NRG1: variants seen among roughly 807,000 people sequenced by gnomAD.
NRG1 encodes the protein neuregulin 1.
NRG1 carries 18 observed loss-of-function variants against 63.8 expected under a neutral mutation model. The ratio of observed to expected loss-of-function variants is 0.28; its 90% CI spans 0.19 to 0.42. The LOEUF is 0.42. Ranked by LOEUF, NRG1 falls within the 10% of genes least tolerant of loss-of-function variation. The pLI, the probability that NRG1 is intolerant of heterozygous loss-of-function variation, is 1.00. For missense variants in NRG1, 762 were observed against 814.7 expected (o/e 0.94, Z 0.79); for synonymous variants, 302 against 301.3 (o/e 1.00, Z -0.02).
chr8:32,072,586 A>G (rs1825913121), intron 1 of NRG1, among the ~76,000 whole-genome samples: 1 of 152,204 alleles, frequency 6.6e-6, no homozygotes, highest in Non-Finnish European at 1.5e-5. Flanking sequence ...CATTAAATTC[A>G]TAGATAAAAA....
chr8:32,052,456 T>A (rs975392343), intron 1 of NRG1, among the ~76,000 whole-genome samples: 12 of 151,480 alleles, frequency 7.9e-5, no homozygotes, highest in Non-Finnish European at 1.3e-4. Flanking sequence ...TTTATTTGTA[T>A]TTTTTTTAAA....
intron 1 of NRG1, among the ~76,000 whole-genome samples, chr8:32,013,458 G>C (rs1233786119): frequency 6.6e-6 from 1 of 151,988 alleles, no homozygotes; most frequent in Non-Finnish European, 1.5e-5. Flanking sequence ...GGCATGGATG[G>C]GACTGAAAAG....
intron 1 of NRG1, among the ~76,000 whole-genome samples, chr8:32,196,305 G>C (rs1364744203): frequency 2.6e-5 from 4 of 152,148 alleles, no homozygotes; most frequent in Non-Finnish European, 4.4e-5. Flanking sequence ...AATTACGGAA[G>C]AAGGGTAGAG....
At chr8:32,194,954 A>C (rs1166719413) in intron 1 of NRG1, among the ~76,000 whole-genome samples, 1 of 152,212 alleles carries the variant, frequency 6.6e-6, no homozygotes, top group Non-Finnish European at 1.5e-5. Flanking sequence ...ATCTCAGTAA[A>C]TATAGTTTAT....
chr8:32,668,525 A>G (rs1007303678), intron 5 of NRG1, among the ~76,000 whole-genome samples: 5 of 152,152 alleles, frequency 3.3e-5, no homozygotes, highest in Non-Finnish European at 5.9e-5. Context: ...CTTCTGAGTT[A>G]CTAGTTTCAC....
At chr8:32,537,644 T>C (rs867953066) in intron 1 of NRG1, among the ~76,000 whole-genome samples, 3 of 152,116 alleles carry the variant, frequency 2.0e-5, no homozygotes, top group African/African-American at 7.2e-5. Context: ...AGACCTGCCA[T>C]TTTCTTAGTG....
chr8:31,796,324 C>G (rs191962924), intron 1 of NRG1, among the ~76,000 whole-genome samples: 1 of 149,642 alleles, frequency 6.7e-6, no homozygotes, highest in African/African-American at 2.5e-5. Flanking sequence ...ATCACCCTTA[C>G]TCTTCTCTAA....
chr8:31,846,028 A>T (rs1358651910), intron 1 of NRG1, among the ~76,000 whole-genome samples: 5 of 152,160 alleles, frequency 3.3e-5, no homozygotes, highest in African/African-American at 1.2e-4. Flanking sequence ...TTCCAAAGAC[A>T]TCCCCATGAA....
intron 7 of NRG1, chr8:32,749,966 C>G (rs1420299591): frequency 5.0e-6 from 1 of 200,886 alleles, no homozygotes; most frequent in Non-Finnish European, 1.0e-5. Context: ...AGAACAAAGG[C>G]TTTTTAAATC....
chr8:31,865,157 G>A (rs926139826), intron 1 of NRG1, among the ~76,000 whole-genome samples: 15 of 147,144 alleles, frequency 1.0e-4, no homozygotes, highest in East Asian at 1.0e-3. Context: ...GTAGTCTATG[G>A]TGGATCTGAA....
At chr8:31,771,753 G>C (rs1283040555) in intron 1 of NRG1, among the ~76,000 whole-genome samples, 1 of 152,140 alleles carries the variant, frequency 6.6e-6, no homozygotes, top group Non-Finnish European at 1.5e-5. Flanking sequence ...CTCAGAGAGT[G>C]CCAGAGCCAA....
At chr8:32,620,919 A>G (rs1302024670) in intron 5 of NRG1, among the ~76,000 whole-genome samples, 1 of 152,158 alleles carries the variant, frequency 6.6e-6, no homozygotes, top group Non-Finnish European at 1.5e-5. Context: ...CCTACTTAAT[A>G]TATTATAAGC....
intron 1 of NRG1, among the ~76,000 whole-genome samples, chr8:32,355,946 G>T (rs540483769): frequency 6.6e-6 from 1 of 152,186 alleles, no homozygotes; most frequent in South Asian, 2.1e-4. Flanking sequence ...TTGAGACAAG[G>T]TTTGTTGTGC....
At chr8:31,743,987 T>A (rs1035435949) in intron 1 of NRG1, among the ~76,000 whole-genome samples, 3 of 152,022 alleles carry the variant, frequency 2.0e-5, no homozygotes, top group Non-Finnish European at 2.9e-5. Flanking sequence ...AATGTGAACA[T>A]GCAAATTAAC....
At chr8:31,702,847 A>C (rs932699045) in intron 1 of NRG1, among the ~76,000 whole-genome samples, 1 of 152,046 alleles carries the variant, frequency 6.6e-6, no homozygotes, top group Non-Finnish European at 1.5e-5. Context: ...GATTTCCTCC[A>C]AGGCTATAGC....
intron 1 of NRG1, among the ~76,000 whole-genome samples, chr8:32,320,030 G>C (rs1801197350): frequency 6.6e-6 from 1 of 152,110 alleles, no homozygotes. Context: ...AGGATAACCT[G>C]GTTTTAAGCC....
intron 1 of NRG1, among the ~76,000 whole-genome samples, chr8:32,440,540 AT>A (rs34377171): frequency 6.6e-6 from 1 of 152,112 alleles, no homozygotes; most frequent in Non-Finnish European, 1.5e-5. Context: ...AACAGTCATT[AT>A]TTTTGGTCAT....
chr8:32,738,376 C>G (rs1427855756), intron 6 of NRG1, among the ~76,000 whole-genome samples: 2 of 151,774 alleles, frequency 1.3e-5, no homozygotes, highest in Admixed American at 6.6e-5. Context: ...TTTTTAAAAA[C>G]CCTGATTTCC....
At chr8:31,947,528 C>T (rs140417900) in intron 1 of NRG1, among the ~76,000 whole-genome samples, 1,652 of 152,158 alleles carry the variant, frequency 0.011, 30 homozygotes, top group African/African-American at 0.038. Flanking sequence ...CTTTAAAATA[C>T]ATTTGAACTC....
Sources: gnomAD v4.1 joint callset for allele counts (sites outside exome capture counted in the v4.1 genomes callset) on GRCh38, gnomAD v4.1.1 for gene constraint, MANE v1.5 for transcripts, NCBI Gene and HGNC (gene_info 2026-07-23, HGNC 2026-07-21) for gene names.